Variants in FNDC3B observed in about 807,000 individuals in gnomAD.
The protein encoded by FNDC3B is fibronectin type III domain-containing protein 3B.
Under a neutral mutation model 151.5 loss-of-function variants are expected in FNDC3B, and 12 were observed. That is an observed-to-expected ratio of 0.08 (90% CI 0.05 to 0.13). FNDC3B has a LOEUF of 0.13. Ranked by LOEUF, FNDC3B falls within the 10% of genes least tolerant of loss-of-function variation. The pLI, the probability that FNDC3B is intolerant of heterozygous loss-of-function variation, is 1.00. For missense variants in FNDC3B, 1,214 were observed against 1,505.3 expected, an observed-to-expected ratio of 0.81 and a Z score of 3.20; for synonymous variants, 528 against 549.0, an observed-to-expected ratio of 0.96 and a Z score of 0.54.
intron 11 of FNDC3B, among the ~76,000 whole-genome samples, chr3:172,315,688 G>C (rs1731744755): frequency 6.6e-6 from 1 of 152,146 alleles, no homozygotes; most frequent in African/African-American, 2.4e-5. Flanking sequence ...TTTTATTTCA[G>C]TGTCCCCGCC....
rs1407662935 is a variant in FNDC3B at position 172,398,138 on chromosome 3, C to T, written c.*663C>T. ...TATAAGAAATCAAGTAACCAGAATG[C>T]ACCTATAAATTATGGAGCATTGTAG... On this transcript the variant is annotated 3_prime_UTR_variant, in exon 26 of 26. Coordinates refer to ENST00000415807, the MANE Select transcript of FNDC3B (RefSeq NM_022763.4). 1 of 152,596 alleles carries T rather than the reference C, an allele frequency of 6.6e-6. No homozygotes were observed. Among genetic ancestry groups the T allele is most frequent in the Non-Finnish European group, 1.5e-5 (1 of 68,036 alleles). 9.5% of individuals were successfully genotyped at this position (152,596 alleles called of 1,614,324 possible).
At chr3:172,281,268 CGG>C (rs371706098) in intron 6 of FNDC3B, among the ~76,000 whole-genome samples, 14,501 of 148,426 alleles carry the variant, frequency 0.098, 788 homozygotes, top group African/African-American at 0.15. Context: ...TATTTTGAGA[CGG>C]AGTCTTGCTC....
At chr3:172,316,669 A>G (rs1300189741) in intron 11 of FNDC3B, among the ~76,000 whole-genome samples, 1 of 152,260 alleles carries the variant, frequency 6.6e-6, no homozygotes, top group Non-Finnish European at 1.5e-5. Flanking sequence ...CAGAACACTA[A>G]CTGGTGCTGC....
intron 6 of FNDC3B, among the ~76,000 whole-genome samples, chr3:172,262,448 C>T (rs1304465020): frequency 6.6e-6 from 1 of 152,048 alleles, no homozygotes; most frequent in East Asian, 1.9e-4. Context: ...ATGTGATAAA[C>T]AAAATAAAAG....
At chr3:172,280,584 G>C (rs1189215974) in intron 6 of FNDC3B, among the ~76,000 whole-genome samples, 3 of 152,136 alleles carry the variant, frequency 2.0e-5, no homozygotes, top group African/African-American at 7.2e-5. Flanking sequence ...CTAGACAGAA[G>C]GTTTAGAGAG....
chr3:172,133,580 G>A (rs1360086229), intron 3 of FNDC3B, 34 bp downstream of exon 3: 1 of 1,469,900 alleles, frequency 6.8e-7, no homozygotes, highest in African/African-American at 1.4e-5. Context: ...TCTAATCAAA[G>A]ATTTTTTTCT....
intron 3 of FNDC3B, among the ~76,000 whole-genome samples, chr3:172,136,547 A>G (rs1721375209): frequency 6.6e-6 from 1 of 152,154 alleles, no homozygotes; most frequent in Non-Finnish European, 1.5e-5. Flanking sequence ...ACTTGTAGGT[A>G]CAGTGGGAGG....
At chr3:172,137,206 G>A (rs1721416930) in intron 3 of FNDC3B, among the ~76,000 whole-genome samples, 2 of 152,194 alleles carry the variant, frequency 1.3e-5, no homozygotes, top group African/African-American at 4.8e-5. Flanking sequence ...TGGAAACTTT[G>A]AAATCACATT....
chr3:172,227,971 C>T (rs1726675292), intron 4 of FNDC3B, among the ~76,000 whole-genome samples: 1 of 152,186 alleles, frequency 6.6e-6, no homozygotes, highest in Non-Finnish European at 1.5e-5. Context: ...ATTTATCCTT[C>T]TCTGATATAA....
At chr3:172,355,849 G>A (rs553283162) in intron 22 of FNDC3B, among the ~76,000 whole-genome samples, 1 of 152,316 alleles carries the variant, frequency 6.6e-6, no homozygotes, top group East Asian at 1.9e-4. Flanking sequence ...TGGCCTCGCT[G>A]ATGTGCAGTG....
At chr3:172,147,572 A>G in intron 3 of FNDC3B, among the ~76,000 whole-genome samples, 1 of 152,136 alleles carries the variant, frequency 6.6e-6, no homozygotes, top group East Asian at 1.9e-4. Context: ...CCTAAAGATT[A>G]TCAACAGGTA....
At chr3:172,250,464 A>G (rs62281814) in intron 5 of FNDC3B, among the ~76,000 whole-genome samples, 22,570 of 152,242 alleles carry the variant, frequency 0.15, 1,819 homozygotes, top group African/African-American at 0.21. Flanking sequence ...TGTATGCCAC[A>G]GAAAACTTTG....
At chr3:172,236,312 A>G (rs62281792) in intron 4 of FNDC3B, among the ~76,000 whole-genome samples, 22,670 of 152,056 alleles carry the variant, frequency 0.15, 1,836 homozygotes, top group African/African-American at 0.21. Context: ...ATTTCCAGTG[A>G]GAGTATCTGG....
intron 6 of FNDC3B, among the ~76,000 whole-genome samples, chr3:172,277,236 G>T (rs1729478910): frequency 6.6e-6 from 1 of 152,168 alleles, no homozygotes; most frequent in African/African-American, 2.4e-5. Context: ...TAGCAATCTA[G>T]GTGTTTTGCT....
At chr3:172,070,548 G>C (rs1210160337) in intron 1 of FNDC3B, among the ~76,000 whole-genome samples, 1 of 152,236 alleles carries the variant, frequency 6.6e-6, no homozygotes, top group African/African-American at 2.4e-5. Flanking sequence ...GAGGGGAGAA[G>C]AGCAGAATCC....
chr3:172,183,560 G>T (rs748945674), intron 3 of FNDC3B, among the ~76,000 whole-genome samples: 1 of 152,118 alleles, frequency 6.6e-6, no homozygotes, highest in Admixed American at 6.5e-5. Flanking sequence ...AATTCAATCC[G>T]TTTTGTCTTC....
Position 172,112,499 on chromosome 3 carries a change from T to C in FNDC3B, c.20T>C (p.Met7Thr). The C allele has an allele frequency of 6.2e-7, 1 of 1,614,036 alleles. No individual in the cohort carries two copies. Among genetic ancestry groups the C allele is most frequent in the Non-Finnish European group, 8.5e-7 (1 of 1,179,864 alleles). Residue 7 changes from methionine (M) to threonine (T), a missense_variant, in exon 2 of 26, where the codon ATG becomes ACG. Met to Thr is a moderately conservative substitution (Grantham distance 81). Around this residue, in one of 7 missense-constraint regions of FNDC3B, gnomAD observed 113 missense variants for 177.8 expected, o/e 0.64. Transcript: ENST00000415807. ...CCATGAATGTACGTCACAATGATGA[T>C]GACCGACCAAATCCCTCTGGAACTG... MYVTMM[M>T]TDQIPLELPP...
Position 172,352,109 on chromosome 3 carries a change from A to T in FNDC3B, c.2515-694A>T, listed in dbSNP as rs1733885010. On this transcript the variant is annotated intron_variant, in intron 21 of 25. Transcript: ENST00000415807. The surrounding 1 kb of genome is among the most constrained non-coding windows in gnomAD (Gnocchi z 4.2). ...AGGGCTGATACTCACCAGCGTTAAG[A>T]GTTCAGGGGATGGTGGCAACCAGGA... Among the ~76,000 whole-genome samples, 1 of 152,166 alleles carries T rather than the reference A, an allele frequency of 6.6e-6. No homozygotes were observed. The highest frequency in any genetic ancestry group is 6.5e-5 in the Admixed American group (1 of 15,272).
chr3:172,294,870 G>A (rs1367625320), intron 7 of FNDC3B, among the ~76,000 whole-genome samples: 1 of 152,188 alleles, frequency 6.6e-6, no homozygotes, highest in East Asian at 1.9e-4. Flanking sequence ...CATCTATAAT[G>A]ATATTAATCC....
Sources: allele counts gnomAD v4.1 joint callset (sites outside exome capture counted in the v4.1 genomes callset), GRCh38; gene constraint gnomAD v4.1.1; regional missense constraint gnomAD v4.1.1; non-coding constraint Gnocchi (gnomAD v3.1); transcripts MANE v1.5; gene names NCBI Gene and HGNC (gene_info 2026-07-23, HGNC 2026-07-21).